SPMIP6: variants seen among roughly 807,000 people sequenced by gnomAD.
SPMIP6 encodes ciliated bronchial epithelial protein 1.
chr9:34,382,250 C>A, the SPMIP6 span, among the ~76,000 whole-genome samples: 3 of 152,288 alleles, frequency 2.0e-5, no homozygotes, highest in East Asian at 1.9e-4. Flanking sequence ...AGCCAGGGGC[C>A]CAGCACAGCC....
At chr9:34,395,940 CTTA>C in the SPMIP6 span, among the ~76,000 whole-genome samples, 4 of 152,188 alleles carry the variant, frequency 2.6e-5, no homozygotes, top group African/African-American at 7.2e-5. Context: ...ACAACCCTTA[CTTA>C]TTATGGCAAT....
chr9:34,388,807 A>C, the SPMIP6 span, among the ~76,000 whole-genome samples: 5 of 152,222 alleles, frequency 3.3e-5, no homozygotes, highest in South Asian at 1.0e-3. Flanking sequence ...GAGAATTATA[A>C]TTCTTTATAT....
At chr9:34,382,649 A>C in the SPMIP6 span, 1 of 778,042 alleles carries the variant, frequency 1.3e-6, no homozygotes, top group Non-Finnish European at 2.4e-6. Flanking sequence ...ATTTGTTGGG[A>C]AAGCAATGAG....
the SPMIP6 span, among the ~76,000 whole-genome samples, chr9:34,389,789 C>T: frequency 6.6e-6 from 1 of 152,110 alleles, no homozygotes; most frequent in Non-Finnish European, 1.5e-5. Flanking sequence ...GTTTTACATA[C>T]ATTGTTAGAT....
the SPMIP6 span, chr9:34,382,546 C>G: frequency 1.8e-6 from 1 of 563,588 alleles, no homozygotes; most frequent in Non-Finnish European, 3.2e-6. Context: ...GGTTGCGCCA[C>G]TGCGCTCCAG....
chr9:34,384,146 A>C, the SPMIP6 span, among the ~76,000 whole-genome samples: 1 of 152,238 alleles, frequency 6.6e-6, no homozygotes, highest in Non-Finnish European at 1.5e-5. Flanking sequence ...CGGGGATGGC[A>C]GTTTGCACAT....
the SPMIP6 span, among the ~76,000 whole-genome samples, chr9:34,389,125 C>T: frequency 1.3e-5 from 2 of 151,406 alleles, no homozygotes; most frequent in South Asian, 2.1e-4. Context: ...TTTATAGAGA[C>T]GATGTTTCCC....
chr9:34,381,195 G>T, the SPMIP6 span: 4 of 1,555,184 alleles, frequency 2.6e-6, no homozygotes, highest in Non-Finnish European at 3.5e-6. The surrounding 1 kb of genome is among the most constrained non-coding windows in gnomAD (Gnocchi z 4.4). Context: ...GGAAGAGGCC[G>T]AGTCACGGAC....
At chr9:34,387,246 C>T in the SPMIP6 span, among the ~76,000 whole-genome samples, 7 of 152,092 alleles carry the variant, frequency 4.6e-5, no homozygotes, top group Admixed American at 6.5e-5. Context: ...AGGGATCTTC[C>T]CACCTTGACT....
the SPMIP6 span, among the ~76,000 whole-genome samples, chr9:34,395,302 T>G: frequency 6.6e-6 from 1 of 152,224 alleles, no homozygotes; most frequent in East Asian, 1.9e-4. Flanking sequence ...TATCTGACTT[T>G]CACTCCTCGC....
chr9:34,383,718 A>G, the SPMIP6 span, among the ~76,000 whole-genome samples: 2 of 152,204 alleles, frequency 1.3e-5, no homozygotes, highest in Non-Finnish European at 2.9e-5. Flanking sequence ...GAATTAATTA[A>G]TTTTGATGTG....
the SPMIP6 span, chr9:34,379,903 C>T: frequency 3.5e-6 from 2 of 574,460 alleles, no homozygotes; most frequent in Non-Finnish European, 6.2e-6. This position sits in a 1 kb window ranked among gnomAD's most constrained non-coding sequence, Gnocchi z 4.2. Context: ...GATTCGGGAA[C>T]CCCCCTTGGA....
chr9:34,390,237 T>C, the SPMIP6 span, among the ~76,000 whole-genome samples: 1 of 152,188 alleles, frequency 6.6e-6, no homozygotes, highest in African/African-American at 2.4e-5. Context: ...AGAATGCTTC[T>C]AACAGTTAAT....
the SPMIP6 span, chr9:34,382,859 G>T: frequency 6.2e-7 from 1 of 1,610,628 alleles, no homozygotes; most frequent in African/African-American, 1.3e-5. Flanking sequence ...AGTTTGGGCT[G>T]CATTTGTCTG....
the SPMIP6 span, chr9:34,379,036 T>A: frequency 8.1e-7 from 1 of 1,234,582 alleles, no homozygotes; most frequent in Non-Finnish European, 1.2e-6. The surrounding 1 kb of genome is among the most constrained non-coding windows in gnomAD (Gnocchi z 4.2). Flanking sequence ...TTGAAGAGTT[T>A]ATTTATTGCT....
the SPMIP6 span, chr9:34,382,730 G>A: frequency 3.2e-4 from 487 of 1,515,614 alleles, 2 homozygotes; most frequent in African/African-American, 5.6e-3. Flanking sequence ...GTCCCCAGAC[G>A]TCTGTGCTGG....
the SPMIP6 span, among the ~76,000 whole-genome samples, chr9:34,379,365 C>T: frequency 3.9e-5 from 6 of 152,224 alleles, no homozygotes; most frequent in African/African-American, 1.4e-4. The surrounding 1 kb of genome is among the most constrained non-coding windows in gnomAD (Gnocchi z 4.2). Context: ...TCCTCCTTAA[C>T]ATCGACTTCT....
At chr9:34,394,000 TA>T in the SPMIP6 span, among the ~76,000 whole-genome samples, 19,088 of 152,244 alleles carry the variant, frequency 0.13, 1,579 homozygotes, top group Non-Finnish European at 0.18. Context: ...TTTTATTTTT[TA>T]AATAGAGACA....
the SPMIP6 span, among the ~76,000 whole-genome samples, chr9:34,387,314 A>G: frequency 6.6e-6 from 1 of 152,104 alleles, no homozygotes; most frequent in African/African-American, 2.4e-5. Context: ...CTCTTGGCCA[A>G]GGCTGAGACC....
Sources: gnomAD v4.1 joint callset for allele counts (sites outside exome capture counted in the v4.1 genomes callset) on GRCh38, gnomAD v4.1.1 for gene constraint, Gnocchi (gnomAD v3.1) non-coding constraint, MANE v1.5 for transcripts, NCBI Gene and HGNC (gene_info 2026-07-23, HGNC 2026-07-21) for gene names.